Variants in UQCR11 observed in about 807,000 individuals in gnomAD.
The protein encoded by UQCR11 is ubiquinol-cytochrome c reductase, complex III subunit XI.
Under a neutral mutation model 7.6 loss-of-function variants are expected in UQCR11, and 10 were observed. The observed-to-expected ratio is 1.31, with a 90% CI of 0.81 to 2.22. The LOEUF (loss-of-function observed/expected upper bound fraction) is 2.22. Ranked by LOEUF, UQCR11 falls within the 30% of genes most tolerant of loss-of-function variation. The pLI is 0.00. For synonymous variants in UQCR11, 34 were observed against 34.9 expected, an observed-to-expected ratio of 0.97 and a Z score of 0.09; for missense variants, 86 against 75.1, an observed-to-expected ratio of 1.15 and a Z score of -0.54.
Position 1,604,039 on chromosome 19 carries a change from G to C in UQCR11, c.50+1321C>G, listed in dbSNP as rs186709511. ...CAGCTCACCACAACCTCCACCTCCCGGGTTTGAGCGATTCTCCTGCCTCAG... is the reference window on the plus strand; with the variant it reads ...CAGCTCACCACAACCTCCACCTCCCCGGTTTGAGCGATTCTCCTGCCTCAG... On this transcript the variant is annotated intron_variant, in intron 1 of 2. Transcript: ENST00000591899. 1.3e-4 allele frequency among the ~76,000 whole-genome samples: 20 copies of C among 152,138 alleles called. No individual in the cohort carries two copies. The South Asian group carries it at 2.7e-3, about 21-fold the overall frequency.
rs1031285322 is a variant in UQCR11, at chr19:1,597,573, G to T, written c.*671C>A. 6.6e-6 allele frequency: 1 copy of T among 152,270 alleles called. No homozygotes were observed. Among genetic ancestry groups the T allele is most frequent in the Non-Finnish European group, 1.5e-5 (1 of 68,078 alleles). 9.4% of individuals were successfully genotyped at this position (152,270 alleles called of 1,614,324 possible). On this transcript the variant is annotated 3_prime_UTR_variant, in exon 3 of 3. Transcript: ENST00000591899. ...GTTCACCTGCTCTGGGGAAGGCAGA[G>T]GCCATGCCGTGAGGATGCTCAAGCA...
chr19:1,604,086 C>T (rs767283155), intron 1 of UQCR11, among the ~76,000 whole-genome samples: 1 of 151,872 alleles, frequency 6.6e-6, no homozygotes, highest in Admixed American at 6.6e-5. Flanking sequence ...GCTGGGATTA[C>T]AGGCACGCGC....
chr19:1,604,742 T>A (rs1599358566), intron 1 of UQCR11, among the ~76,000 whole-genome samples: 1 of 152,122 alleles, frequency 6.6e-6, no homozygotes, highest in Non-Finnish European at 1.5e-5. Flanking sequence ...TTGGCCAGGC[T>A]GGTCTCGAAC....
At chr19:1,604,987 A>G (rs2060757817) in intron 1 of UQCR11, among the ~76,000 whole-genome samples, 1 of 152,332 alleles carries the variant, frequency 6.6e-6, no homozygotes, top group South Asian at 2.1e-4. Flanking sequence ...AATCATAAAA[A>G]CCAAAATAGT....
intron 1 of UQCR11, among the ~76,000 whole-genome samples, chr19:1,600,070 T>G (rs973442969): frequency 6.6e-6 from 1 of 152,070 alleles, no homozygotes; most frequent in African/African-American, 2.4e-5. Context: ...CTGTGAGAGC[T>G]CCCCTGAGTT....
At position 1,605,419 on chromosome 19, in the gene UQCR11, G is replaced by C; in HGVS notation, c.-10C>G. On this transcript the variant is annotated 5_prime_UTR_variant, in exon 1 of 3. Transcript: ENST00000591899. The stretch of plus-strand genomic sequence containing the variant: ...GGAACCGGGTCACCATCGCGGCGGA[G>C]TCGCACCCTCAGGATGACCCTGTCC... 6.4e-7 allele frequency: 1 copy of C among 1,558,276 alleles called. No individual in the cohort carries two copies. The highest frequency in any genetic ancestry group is 8.6e-7 in the Non-Finnish European group (1 of 1,156,590).
intron 1 of UQCR11, among the ~76,000 whole-genome samples, chr19:1,603,858 C>T (rs1330827425): frequency 6.6e-6 from 1 of 152,220 alleles, no homozygotes; most frequent in South Asian, 2.1e-4. Flanking sequence ...TCAGCTCCAC[C>T]GTGCAGACCC....
intron 2 of UQCR11, 54 bp downstream of exon 2, chr19:1,599,358 C>T (rs925838138): frequency 1.1e-5 from 17 of 1,584,418 alleles, no homozygotes; most frequent in Admixed American, 6.8e-5. Context: ...ACCCACTCTT[C>T]GGCCACCATC....
intron 1 of UQCR11, chr19:1,602,310 G>A (rs2060749638): frequency 6.6e-6 from 1 of 152,234 alleles, no homozygotes. Context: ...CTCTCCAAGT[G>A]TAGGCCAGGT....
At chr19:1,602,745 C>A (rs2060750915) in intron 1 of UQCR11, among the ~76,000 whole-genome samples, 1 of 152,198 alleles carries the variant, frequency 6.6e-6, no homozygotes, top group Non-Finnish European at 1.5e-5. Context: ...AGCCACTGCG[C>A]CCAGCCCTGG....
At chr19:1,599,327 C>G in intron 2 of UQCR11, 85 bp downstream of exon 2, 2 of 1,542,556 alleles carry the variant, frequency 1.3e-6, no homozygotes, top group Non-Finnish European at 1.7e-6. Flanking sequence ...GGCTGCCGCC[C>G]CGGCTCTGGG....
At chr19:1,600,421 G>A (rs2060744035) in intron 1 of UQCR11, among the ~76,000 whole-genome samples, 1 of 152,078 alleles carries the variant, frequency 6.6e-6, no homozygotes, top group Admixed American at 6.5e-5. Context: ...CACCGTGTTA[G>A]CCAGGATGGT....
In UQCR11 at chr19:1,599,502, C is replaced by T. The variant is rs200996591; in HGVS notation, c.109G>A (p.Asp37Asn). 7.6e-5 allele frequency: 122 copies of T among 1,613,596 alleles called. No individual in the cohort carries two copies. Among genetic ancestry groups the T allele is most frequent in the Middle Eastern group, 3.3e-4 (2 of 6,062 alleles). Reference protein sequence around the residue: ...VGAVGLVWATDWRLILDWVPY... With the variant: ...VGAVGLVWATNWRLILDWVPY... ...ACCCAGTCCAGGATCAGCCGCCAAT[C>T]GGTGGCCCACACCAGCCCCACGGCG... The change falls in exon 2 of 3, where the codon GAT becomes AAT. Residue 37 changes from aspartate to asparagine, a missense_variant. Coordinates refer to ENST00000591899, the MANE Select transcript of UQCR11 (RefSeq NM_006830.4).
intron 1 of UQCR11, 32 bp from the exon 2 acceptor site, chr19:1,599,592 T>C: frequency 6.2e-7 from 1 of 1,601,494 alleles, no homozygotes; most frequent in Non-Finnish European, 8.5e-7. Context: ...TCAGGCCTGC[T>C]CTGGACCCTT....
chr19:1,601,683 A>G (rs1317463174), intron 1 of UQCR11, among the ~76,000 whole-genome samples: 1 of 151,742 alleles, frequency 6.6e-6, no homozygotes, highest in Non-Finnish European at 1.5e-5. Context: ...GCCTGGTCAC[A>G]CCCTCGGATG....
chr19:1,599,866 C>A (rs917149637), intron 1 of UQCR11, among the ~76,000 whole-genome samples: 1 of 152,272 alleles, frequency 6.6e-6, no homozygotes, highest in Non-Finnish European at 1.5e-5. Context: ...TGGGTCCGGT[C>A]TGCTGCAGTC....
intron 1 of UQCR11, 68 bp downstream of exon 1, chr19:1,605,292 C>T: frequency 6.7e-7 from 1 of 1,486,856 alleles, no homozygotes; most frequent in Non-Finnish European, 8.9e-7. Flanking sequence ...CGCACAAATA[C>T]GGAACGCAGC....
At chr19:1,605,321 G>A (rs746720578) in intron 1 of UQCR11, 39 bp downstream of exon 1, 4 of 1,551,166 alleles carry the variant, frequency 2.6e-6, no homozygotes, top group Non-Finnish European at 3.5e-6. Flanking sequence ...GCTGGGCCGA[G>A]GCGGGAGCGC....
At chr19:1,602,601 A>G (rs1225960745) in intron 1 of UQCR11, among the ~76,000 whole-genome samples, 3 of 152,200 alleles carry the variant, frequency 2.0e-5, no homozygotes, top group Middle Eastern at 3.4e-3. Context: ...ACAGGTGTCC[A>G]CTACCGCGCC....
Sources: allele counts gnomAD v4.1 joint callset (sites outside exome capture counted in the v4.1 genomes callset), GRCh38; gene constraint gnomAD v4.1.1; transcripts MANE v1.5; gene names NCBI Gene and HGNC (gene_info 2026-07-23, HGNC 2026-07-21).